PITPNC1: variants seen among roughly 807,000 people sequenced by gnomAD.
PITPNC1 encodes cytoplasmic phosphatidylinositol transfer protein 1.
Under a neutral mutation model 44.7 loss-of-function variants are expected in PITPNC1, and 18 were observed. The ratio of observed to expected loss-of-function variants is 0.40; its 90% CI spans 0.28 to 0.60. PITPNC1 has a LOEUF of 0.60. Among genes scored for constraint, PITPNC1 ranks in the 20% least tolerant of loss-of-function variants. The pLI is 0.39. For missense variants in PITPNC1, 290 were observed against 418.4 expected, an observed-to-expected ratio of 0.69 and a Z score of 2.68; for synonymous variants, 141 against 149.6, an observed-to-expected ratio of 0.94 and a Z score of 0.42.
intron 5 of PITPNC1, among the ~76,000 whole-genome samples, chr17:67,606,141 A>AC (rs1254053904): frequency 6.6e-6 from 1 of 152,210 alleles, no homozygotes; most frequent in Non-Finnish European, 1.5e-5. Context: ...AATTGATGGA[A>AC]CAGTGGGTGA....
intron 6 of PITPNC1, among the ~76,000 whole-genome samples, chr17:67,632,645 G>C (rs1267906363): frequency 2.2e-5 from 3 of 138,916 alleles, no homozygotes; most frequent in Non-Finnish European, 4.5e-5. Context: ...TGATCTCACT[G>C]TGGCATCTGC....
intron 1 of PITPNC1, among the ~76,000 whole-genome samples, chr17:67,453,639 GCTTA>G (rs1276534009): frequency 6.6e-5 from 10 of 152,222 alleles, no homozygotes; most frequent in African/African-American, 2.4e-4. Context: ...TTGTGGAGGT[GCTTA>G]CATAACGACA....
intron 1 of PITPNC1, among the ~76,000 whole-genome samples, chr17:67,465,131 CTG>C (rs1405470692): frequency 1.3e-5 from 2 of 152,184 alleles, no homozygotes; most frequent in Non-Finnish European, 1.5e-5. Context: ...GTGTTGCATT[CTG>C]TGTCTGTTCA....
rs138634438 is a variant in PITPNC1, at chr17:67,661,628, G to A, written c.463-7880G>A. Among the ~76,000 whole-genome samples the A allele has an allele frequency of 8.5e-3, 1,289 of 152,294 alleles. 12 individuals carry two copies. The highest frequency in any genetic ancestry group is 0.027 in the Middle Eastern group (8 of 294). On this transcript the variant is annotated intron_variant, in intron 6 of 8. Coordinates refer to ENST00000581322, the MANE Select transcript of PITPNC1 (RefSeq NM_012417.4). ...TACACCCCCAGGGCAAAGAAATGTG[G>A]TCAAGGTGGAAGGCAGTGCAGTACC...
rs1555657747 is a variant in PITPNC1, at chr17:67,494,185, T to TTTTCTTTC, written c.49-38593_49-38586dup. On this transcript the variant is annotated intron_variant, in intron 1 of 8. Transcript: ENST00000581322. ...CCTCTTTCTTTCTTTCTTTCTTTCT[T>TTTTCTTTC]TTTCTTTCTTTCTTTCTTTCTTTCT... Among the ~76,000 whole-genome samples the TTTTCTTTC allele has an allele frequency of 4.3e-3, 439 of 102,496 alleles. 18 individuals carry two copies. The highest frequency in any genetic ancestry group is 0.016 in the African/African-American group (411 of 26,480). 67.2% of individuals were successfully genotyped at this position (102,496 alleles called of 152,430 possible). A position where few individuals can be genotyped will look rare whatever the true frequency, so the allele number is the denominator to read the frequency against.
intron 4 of PITPNC1, among the ~76,000 whole-genome samples, chr17:67,570,417 C>T (rs1358856735): frequency 6.6e-6 from 1 of 152,180 alleles, no homozygotes; most frequent in Non-Finnish European, 1.5e-5. Flanking sequence ...TGGCTGCCTT[C>T]CTTGCCATGG....
chr17:67,414,088 AG>A (rs951764950), intron 1 of PITPNC1, among the ~76,000 whole-genome samples: 31 of 133,340 alleles, frequency 2.3e-4, no homozygotes, highest in African/African-American at 9.1e-4. Flanking sequence ...AAGGGAAATG[AG>A]TTTGAACTGA....
At chr17:67,495,240 A>G (rs1292278767) in intron 1 of PITPNC1, among the ~76,000 whole-genome samples, 2 of 151,002 alleles carry the variant, frequency 1.3e-5, no homozygotes, top group Non-Finnish European at 3.0e-5. Context: ...TGTATTTTTT[A>G]GTAGAGATGG....
chr17:67,454,820 C>CTT (rs35832239), intron 1 of PITPNC1, among the ~76,000 whole-genome samples: 2,539 of 127,888 alleles, frequency 0.02, 119 homozygotes, highest in African/African-American at 0.072. Context: ...TTTTATTTTC[C>CTT]TTTTTTTTTT....
chr17:67,560,502 T>C (rs1417628713), intron 4 of PITPNC1, among the ~76,000 whole-genome samples: 2 of 152,278 alleles, frequency 1.3e-5, no homozygotes, highest in African/African-American at 2.4e-5. Flanking sequence ...CAGCAGTACG[T>C]TGGGATGGCA....
chr17:67,492,860 G>C (rs1349292995), intron 1 of PITPNC1, among the ~76,000 whole-genome samples: 1 of 152,176 alleles, frequency 6.6e-6, no homozygotes, highest in Non-Finnish European at 1.5e-5. Context: ...CTTAGTTGTA[G>C]TGTTCCACGG....
At chr17:67,608,940 G>C (rs1279433628) in intron 5 of PITPNC1, among the ~76,000 whole-genome samples, 1 of 152,098 alleles carries the variant, frequency 6.6e-6, no homozygotes. Context: ...CAGGAATTCT[G>C]TATTAGCAAT....
chr17:67,592,805 G>A (rs1025006615), intron 5 of PITPNC1, among the ~76,000 whole-genome samples: 1 of 152,244 alleles, frequency 6.6e-6, no homozygotes, highest in Admixed American at 6.5e-5. Flanking sequence ...GGGAGGCCAA[G>A]GCAAGAGGAT....
chr17:67,503,036 T>C (rs1346127701), intron 1 of PITPNC1, among the ~76,000 whole-genome samples: 2 of 152,254 alleles, frequency 1.3e-5, no homozygotes, highest in African/African-American at 2.4e-5. Flanking sequence ...CCTCAGGTGA[T>C]CCACCCACCT....
At chr17:67,481,826 A>T (rs2039708042) in intron 1 of PITPNC1, among the ~76,000 whole-genome samples, 2 of 152,022 alleles carry the variant, frequency 1.3e-5, no homozygotes, top group South Asian at 4.2e-4. Context: ...CCTTCCAGGG[A>T]TTTACAGTCT....
At chr17:67,625,383 C>G (rs1567745902) in intron 5 of PITPNC1, among the ~76,000 whole-genome samples, 1 of 152,124 alleles carries the variant, frequency 6.6e-6, no homozygotes, top group South Asian at 2.1e-4. Flanking sequence ...CATTCGCATC[C>G]TAACGTGACC....
At chr17:67,562,045 A>G (rs2040913373) in intron 4 of PITPNC1, among the ~76,000 whole-genome samples, 1 of 152,198 alleles carries the variant, frequency 6.6e-6, no homozygotes, top group Non-Finnish European at 1.5e-5. Flanking sequence ...CCTAGATCGT[A>G]TGAGCCTGAA....
chr17:67,667,893 T>C (rs1411509344), intron 6 of PITPNC1, among the ~76,000 whole-genome samples: 1 of 152,030 alleles, frequency 6.6e-6, no homozygotes, highest in Non-Finnish European at 1.5e-5. Context: ...GGCAGGAGAA[T>C]TGCTTGAACT....
chr17:67,544,245 T>C (rs2040647550), intron 2 of PITPNC1, among the ~76,000 whole-genome samples: 1 of 152,196 alleles, frequency 6.6e-6, no homozygotes. Flanking sequence ...ATCCAAGGAA[T>C]GGGGGCATGA....
Sources: allele counts gnomAD v4.1 joint callset (sites outside exome capture counted in the v4.1 genomes callset), GRCh38; gene constraint gnomAD v4.1.1; transcripts MANE v1.5; gene names NCBI Gene and HGNC (gene_info 2026-07-23, HGNC 2026-07-21).